MARCHF4: variants seen among roughly 807,000 people sequenced by gnomAD.
The protein encoded by MARCHF4 is membrane associated ring-CH-type finger 4.
MARCHF4 carries 14 observed loss-of-function variants against 43.9 expected under a neutral mutation model. The observed-to-expected ratio is 0.32, with a 90% CI of 0.21 to 0.50. The LOEUF (loss-of-function observed/expected upper bound fraction) is 0.50, where lower values mean the gene tolerates loss of function less well. Among genes scored for constraint, MARCHF4 ranks in the 20% least tolerant of loss-of-function variants. The pLI, the probability that MARCHF4 is intolerant of heterozygous loss-of-function variation, is 0.98. For synonymous variants in MARCHF4, 226 were observed against 213.3 expected (o/e 1.06, Z -0.52); for missense variants, 468 against 536.7 (o/e 0.87, Z 1.27).
chr2:216,296,164 C>A (rs1691389965), intron 1 of MARCHF4, among the ~76,000 whole-genome samples: 1 of 150,434 alleles, frequency 6.6e-6, no homozygotes, highest in Non-Finnish European at 1.5e-5. Context: ...AACAAACAAA[C>A]AAAAATAAAT....
At chr2:216,342,906 C>G (rs566191419) in intron 1 of MARCHF4, among the ~76,000 whole-genome samples, 2 of 152,104 alleles carry the variant, frequency 1.3e-5, no homozygotes, top group South Asian at 4.2e-4. Flanking sequence ...TTCAGCAAGA[C>G]TGTGCTGTAG....
chr2:216,282,203 A>T (rs1410424298), intron 2 of MARCHF4, among the ~76,000 whole-genome samples: 1 of 152,142 alleles, frequency 6.6e-6, no homozygotes, highest in Non-Finnish European at 1.5e-5. Flanking sequence ...CCCTTGGTAT[A>T]CTACTAAGAG....
chr2:216,260,429 G>A (rs1386280791), intron 3 of MARCHF4, among the ~76,000 whole-genome samples: 3 of 152,212 alleles, frequency 2.0e-5, no homozygotes, highest in Non-Finnish European at 4.4e-5. Flanking sequence ...CAGGCACTGA[G>A]ATCCTGTTTT....
rs1690680878 is a variant in MARCHF4 at position 216,258,040 on chromosome 2, T to G, written c.*1272A>C. 1 of 152,122 alleles carries G rather than the reference T, an allele frequency of 6.6e-6. No individual in the cohort carries two copies. Among genetic ancestry groups the G allele is most frequent in the Non-Finnish European group, 1.5e-5 (1 of 68,054 alleles). The allele number at this position is 152,122 out of a possible 1,614,324, so 9.4% of individuals were successfully genotyped here. On this transcript the variant is annotated 3_prime_UTR_variant, in exon 4 of 4. Transcript: ENST00000273067. ...AGAAACTTTGCAGGTGAACACCCAGTGGCCTTCCCTGGCAGGGTCCCCAGA... is the reference window on the plus strand; with the variant it reads ...AGAAACTTTGCAGGTGAACACCCAGGGGCCTTCCCTGGCAGGGTCCCCAGA...
intron 3 of MARCHF4, among the ~76,000 whole-genome samples, chr2:216,268,279 G>A (rs1462976990): frequency 2.0e-5 from 3 of 152,196 alleles, no homozygotes; most frequent in Non-Finnish European, 4.4e-5. Context: ...TAGAGAGAGG[G>A]AGTAACTTGT....
intron 1 of MARCHF4, among the ~76,000 whole-genome samples, chr2:216,336,742 TAAAAAA>T (rs58031229): frequency 0.026 from 1,467 of 55,700 alleles, 54 homozygotes; most frequent in African/African-American, 0.063. Flanking sequence ...CAAATAGATT[TAAAAAA>T]AAAAAAAAAA....
chr2:216,322,699 G>A (rs1403472720), intron 1 of MARCHF4, among the ~76,000 whole-genome samples: 2 of 152,186 alleles, frequency 1.3e-5, no homozygotes, highest in African/African-American at 4.8e-5. Flanking sequence ...GTGGGTGCCT[G>A]TAGTCCCAGC....
intron 1 of MARCHF4, among the ~76,000 whole-genome samples, chr2:216,365,763 C>T (rs1364871375): frequency 6.6e-6 from 1 of 152,188 alleles, no homozygotes; most frequent in Non-Finnish European, 1.5e-5. Flanking sequence ...CCTGATATTA[C>T]TGTAATTCAC....
chr2:216,304,772 G>A (rs1275868595), intron 1 of MARCHF4, among the ~76,000 whole-genome samples: 1 of 152,056 alleles, frequency 6.6e-6, no homozygotes, highest in African/African-American at 2.4e-5. Context: ...TGGCTAACAT[G>A]GAGAAACCCC....
chr2:216,277,096 C>T (rs982883632), intron 3 of MARCHF4, among the ~76,000 whole-genome samples: 1 of 152,098 alleles, frequency 6.6e-6, no homozygotes, highest in African/African-American at 2.4e-5. Context: ...CCTCTCTGTG[C>T]GGCATTCCTT....
At chr2:216,282,842 C>A (rs1333029071) in intron 2 of MARCHF4, among the ~76,000 whole-genome samples, 1 of 152,142 alleles carries the variant, frequency 6.6e-6, no homozygotes, top group Non-Finnish European at 1.5e-5. Flanking sequence ...ATTCTCTCCC[C>A]TTCTTCTATT....
intron 1 of MARCHF4, among the ~76,000 whole-genome samples, chr2:216,354,787 G>T (rs1300868943): frequency 6.6e-6 from 1 of 152,140 alleles, no homozygotes; most frequent in Non-Finnish European, 1.5e-5. Context: ...ACTCACTCAG[G>T]TCCTCTCTGT....
chr2:216,321,513 G>A (rs1029506304), intron 1 of MARCHF4: 4 of 152,190 alleles, frequency 2.6e-5, no homozygotes, highest in Non-Finnish European at 5.9e-5. Context: ...TTGGCAAAGA[G>A]GGGAGGGAAA....
rs905972610 is a variant in MARCHF4, at chr2:216,324,418, C to G, written c.517-40689G>C. Among the ~76,000 whole-genome samples, 14 of 151,454 alleles carry G rather than the reference C, an allele frequency of 9.2e-5. 1 individual carries two copies. Among genetic ancestry groups the G allele is most frequent in the Admixed American group, 9.2e-4 (14 of 15,200 alleles). ...GGAACTGGTACCATTCCTTCTGAAACTATTCCAATCAATAGAAAAAGAGGG... is the reference window on the plus strand; with the variant it reads ...GGAACTGGTACCATTCCTTCTGAAAGTATTCCAATCAATAGAAAAAGAGGG... On this transcript the variant is annotated intron_variant, in intron 1 of 3. Transcript: ENST00000273067.
chr2:216,325,948 G>A (rs373178060), intron 1 of MARCHF4, among the ~76,000 whole-genome samples: 4 of 146,640 alleles, frequency 2.7e-5, no homozygotes, highest in Non-Finnish European at 3.0e-5. Context: ...ACAAAAGCCA[G>A]AATTGACAAA....
intron 1 of MARCHF4, among the ~76,000 whole-genome samples, chr2:216,298,256 GTTTTTTT>G (rs559410456): frequency 1.5e-4 from 10 of 66,774 alleles, no homozygotes; most frequent in African/African-American, 5.2e-4. Flanking sequence ...AGTCTTTTAG[GTTTTTTT>G]TTTTTTTTTT....
chr2:216,361,342 T>A (rs757510666), intron 1 of MARCHF4, among the ~76,000 whole-genome samples: 5 of 152,170 alleles, frequency 3.3e-5, no homozygotes, highest in Non-Finnish European at 7.3e-5. Flanking sequence ...TAAAATCATG[T>A]CTGTCTGGGG....
intron 1 of MARCHF4, among the ~76,000 whole-genome samples, chr2:216,340,372 C>G (rs976609548): frequency 6.6e-6 from 1 of 152,188 alleles, no homozygotes; most frequent in African/African-American, 2.4e-5. Context: ...GCTGGCAGTT[C>G]GGTTTCACCA....
chr2:216,259,944 C>T (rs189683336), intron 3 of MARCHF4, among the ~76,000 whole-genome samples: 6 of 152,296 alleles, frequency 3.9e-5, no homozygotes, highest in East Asian at 3.9e-4. Flanking sequence ...CTTCCTGCCT[C>T]GACAAAATCC....
Sources: allele counts gnomAD v4.1 joint callset (sites outside exome capture counted in the v4.1 genomes callset), GRCh38; gene constraint gnomAD v4.1.1; transcripts MANE v1.5; gene names NCBI Gene and HGNC (gene_info 2026-07-23, HGNC 2026-07-21).